RBFOX1: variants seen among roughly 807,000 people sequenced by gnomAD.
The protein encoded by RBFOX1 is RNA binding fox-1 homolog 1.
A neutral mutation model predicts 57.7 loss-of-function variants in RBFOX1; 8 were observed. That is an observed-to-expected ratio of 0.14 (90% CI 0.08 to 0.25). The LOEUF is 0.25. Ranked by LOEUF, RBFOX1 falls within the 10% of genes least tolerant of loss-of-function variation. The probability of loss-of-function intolerance (pLI) is 1.00; values close to 1 mark genes in which losing one functional copy is unlikely to be tolerated. For missense variants in RBFOX1, 611 were observed against 548.5 expected (o/e 1.11, Z -1.14); for synonymous variants, 326 against 222.4 (o/e 1.47, Z -4.15).
intron 1 of RBFOX1, among the ~76,000 whole-genome samples, chr16:5,290,740 C>G (rs1410473445): frequency 6.6e-6 from 1 of 151,222 alleles, no homozygotes; most frequent in African/African-American, 2.4e-5. Flanking sequence ...CTCTTGACGC[C>G]TAGGCTGGAG....
At chr16:5,414,226 T>C (rs1381794502) in intron 1 of RBFOX1, among the ~76,000 whole-genome samples, 1 of 152,118 alleles carries the variant, frequency 6.6e-6, no homozygotes, top group African/African-American at 2.4e-5. Flanking sequence ...GCCAGGTTTT[T>C]CTCTTGGTGT....
chr16:7,493,928 T>A (rs898325003), intron 4 of RBFOX1, among the ~76,000 whole-genome samples: 1 of 152,370 alleles, frequency 6.6e-6, no homozygotes, highest in South Asian at 2.1e-4. Flanking sequence ...TGGGTTCTTA[T>A]AATTTTGCAT....
chr16:5,953,253 G>C (rs550111127), intron 4 of RBFOX1, among the ~76,000 whole-genome samples: 2 of 152,278 alleles, frequency 1.3e-5, no homozygotes, highest in Middle Eastern at 6.8e-3. Context: ...GATAGTTAAG[G>C]ATGCCCAATG....
At position 6,691,656 on chromosome 16, in the gene RBFOX1, C is replaced by A. The variant is rs189621034; in HGVS notation, c.-16+37006C>A. Among the ~76,000 whole-genome samples, 6 of 152,290 alleles carry A rather than the reference C, an allele frequency of 3.9e-5. No individual in the cohort carries two copies. The East Asian group carries it at 1.2e-3, about 29-fold the overall frequency. ...ACCTTGGCTTACAAACGTAAAATGA[C>A]CATGGCAGGTAGGATAATGGTCCTC... On this transcript the variant is annotated intron_variant, in intron 3 of 15. Transcript: ENST00000550418.
chr16:7,114,566 A>G (rs974723457), intron 4 of RBFOX1, among the ~76,000 whole-genome samples: 1 of 152,176 alleles, frequency 6.6e-6, no homozygotes, highest in Non-Finnish European at 1.5e-5. Context: ...GAAATTGAAT[A>G]CCATCTATTT....
intron 1 of RBFOX1, among the ~76,000 whole-genome samples, chr16:5,416,070 A>G (rs2067152869): frequency 2.0e-5 from 3 of 152,180 alleles, no homozygotes; most frequent in Admixed American, 2.0e-4. Flanking sequence ...ACGGGGCTGA[A>G]ATTTAAGTCT....
intron 1 of RBFOX1, chr16:5,270,205 A>T (rs576643761): frequency 4.3e-6 from 2 of 461,832 alleles, no homozygotes; most frequent in African/African-American, 4.0e-5. Context: ...TGCCTTATGA[A>T]AGGTGGCAAA....
chr16:6,598,253 A>C (rs1287451117), intron 2 of RBFOX1, among the ~76,000 whole-genome samples: 1 of 152,152 alleles, frequency 6.6e-6, no homozygotes, highest in Admixed American at 6.5e-5. Flanking sequence ...TTTTCATTCC[A>C]CTATATAATT....
chr16:6,075,714 C>G (rs1340590911), intron 1 of RBFOX1, among the ~76,000 whole-genome samples: 2 of 152,174 alleles, frequency 1.3e-5, no homozygotes, highest in Non-Finnish European at 2.9e-5. Flanking sequence ...TGTAGTTCCT[C>G]CCTCCTTAAA....
chr16:7,636,637 C>A (rs1302343698), intron 11 of RBFOX1, among the ~76,000 whole-genome samples: 1 of 152,174 alleles, frequency 6.6e-6, no homozygotes, highest in Admixed American at 6.5e-5. Flanking sequence ...TTGTTTTGCA[C>A]TGTATCAGTC....
chr16:6,599,409 A>T (rs1294060478), intron 2 of RBFOX1, among the ~76,000 whole-genome samples: 1 of 152,114 alleles, frequency 6.6e-6, no homozygotes, highest in Admixed American at 6.5e-5. Flanking sequence ...GTACTCTGGG[A>T]ACATACACCA....
chr16:7,405,701 C>T (rs779162902), intron 4 of RBFOX1, among the ~76,000 whole-genome samples: 1 of 152,204 alleles, frequency 6.6e-6, no homozygotes, highest in Non-Finnish European at 1.5e-5. Flanking sequence ...CACCTGTGGT[C>T]AGCCTTCCCT....
intron 2 of RBFOX1, among the ~76,000 whole-genome samples, chr16:5,579,326 A>C (rs1015062302): frequency 6.6e-6 from 1 of 151,940 alleles, no homozygotes; most frequent in Non-Finnish European, 1.5e-5. Flanking sequence ...TTCACTTTCC[A>C]GTCCTAGGAA....
intron 1 of RBFOX1, among the ~76,000 whole-genome samples, chr16:6,259,304 T>G (rs1047283124): frequency 6.6e-6 from 1 of 152,094 alleles, no homozygotes. Context: ...GGAGGTCTTT[T>G]CAGTCTCCCT....
intron 1 of RBFOX1, among the ~76,000 whole-genome samples, chr16:6,302,594 C>G (rs1038282866): frequency 6.6e-6 from 1 of 152,124 alleles, no homozygotes; most frequent in African/African-American, 2.4e-5. Context: ...CATATGTACA[C>G]TTTTGAGGTA....
At chr16:5,680,176 C>A (rs569079314) in intron 3 of RBFOX1, among the ~76,000 whole-genome samples, 5 of 152,258 alleles carry the variant, frequency 3.3e-5, no homozygotes, top group Non-Finnish European at 5.9e-5. Flanking sequence ...AACACATGAG[C>A]TGTGCTTGCA....
intron 1 of RBFOX1, among the ~76,000 whole-genome samples, chr16:6,070,261 A>G (rs1183810619): frequency 1.3e-5 from 2 of 152,220 alleles, no homozygotes; most frequent in African/African-American, 4.8e-5. Context: ...CAAAGTATCT[A>G]AATTCATCCT....
At chr16:6,724,655 G>T (rs906422803) in intron 3 of RBFOX1, among the ~76,000 whole-genome samples, 4 of 152,128 alleles carry the variant, frequency 2.6e-5, no homozygotes, top group Non-Finnish European at 5.9e-5. Flanking sequence ...TGTTATAGCA[G>T]CCCGAATAGA....
chr16:5,898,990 G>T (rs1442698533), intron 4 of RBFOX1, among the ~76,000 whole-genome samples: 2 of 151,650 alleles, frequency 1.3e-5, no homozygotes, highest in African/African-American at 4.8e-5. Context: ...TTGAGCCCAG[G>T]AGACTAAGAC....
Sources: allele counts gnomAD v4.1 joint callset (sites outside exome capture counted in the v4.1 genomes callset), GRCh38; gene constraint gnomAD v4.1.1; transcripts MANE v1.5; gene names NCBI Gene and HGNC (gene_info 2026-07-23, HGNC 2026-07-21).